The following SMG6 variants were observed in gnomAD, a reference collection of about 807,000 sequenced individuals.
SMG6 encodes SMG6 nonsense mediated mRNA decay factor, also known as telomerase-binding protein EST1A.
In SMG6, 66 loss-of-function variants were observed where a neutral mutation model predicts 142.2. That is an observed-to-expected ratio of 0.46 (90% CI 0.38 to 0.57). The LOEUF is 0.57. Among genes scored for constraint, SMG6 ranks in the 20% least tolerant of loss-of-function variants. The pLI is 0.00. For synonymous variants in SMG6, 779 were observed against 702.4 expected (o/e 1.11, Z -1.72); for missense variants, 1,793 against 1,832.0 (o/e 0.98, Z 0.39).
rs1284695541 is a variant in SMG6, at chr17:2,177,058, G to T, written c.3156-4199C>A. Among the ~76,000 whole-genome samples, 12 of 152,282 alleles carry T rather than the reference G, an allele frequency of 7.9e-5. No homozygotes were observed. The East Asian group carries it at 2.3e-3, about 29-fold the overall frequency. ...AACCAACACACACTCCTGGCTGGTT[G>T]TTTGGGGGATATTGACTCCGGAATC... On this transcript the variant is annotated intron_variant, in intron 12 of 18. Transcript: ENST00000263073.
rs532220385 is a variant in SMG6, at chr17:2,299,970, T to C, written c.783A>G (p.Ser261=). Residue 261 remains serine (S), a synonymous_variant, in exon 2 of 19, where the codon TCA becomes TCG. Coordinates refer to ENST00000263073, the MANE Select transcript of SMG6 (RefSeq NM_017575.5). This position sits in a 1 kb window ranked among gnomAD's most constrained non-coding sequence, Gnocchi z 4.3. ...RNRYRTRSTS[S]AGSNNSAEGA... ...CCTCAGCGCTGTTGTTGCTGCCAGCTGAGCTGGTGCTGCGCGTGCGGTAGC... is the reference window on the plus strand; with the variant it reads ...CCTCAGCGCTGTTGTTGCTGCCAGCCGAGCTGGTGCTGCGCGTGCGGTAGC... 4 of 1,614,000 alleles carry C rather than the reference T, an allele frequency of 2.5e-6. No homozygotes were observed. The African/African-American group carries it at 4.0e-5, about 16-fold the overall frequency.
chr17:2,216,738 T>C (rs902955576), intron 10 of SMG6, among the ~76,000 whole-genome samples: 3 of 152,212 alleles, frequency 2.0e-5, no homozygotes, highest in Non-Finnish European at 2.9e-5. Context: ...TAAAATATTA[T>C]ATAGTCTCTT....
At chr17:2,125,464 A>T (rs77118828) in intron 13 of SMG6, among the ~76,000 whole-genome samples, 1,554 of 152,358 alleles carry the variant, frequency 0.01, 31 homozygotes, top group African/African-American at 0.034. Flanking sequence ...ATGGCCAAAC[A>T]AATTTAAATT....
intron 8 of SMG6, among the ~76,000 whole-genome samples, chr17:2,264,384 A>C (rs2074378332): frequency 6.6e-6 from 1 of 152,192 alleles, no homozygotes; most frequent in Admixed American, 6.5e-5. Context: ...GAGATGCCAA[A>C]ACTACATCTT....
chr17:2,258,324 C>T (rs1429714367), intron 8 of SMG6, among the ~76,000 whole-genome samples: 1 of 151,770 alleles, frequency 6.6e-6, no homozygotes, highest in East Asian at 1.9e-4. Context: ...GGGAGGCTGA[C>T]GCAGGCAGAT....
At chr17:2,212,345 G>A (rs1284005098) in intron 10 of SMG6, among the ~76,000 whole-genome samples, 3 of 152,152 alleles carry the variant, frequency 2.0e-5, no homozygotes, top group Admixed American at 6.5e-5. Flanking sequence ...AAAAAGAAAG[G>A]GGATCTGGGC....
chr17:2,238,772 C>T (rs2073731793), intron 9 of SMG6, among the ~76,000 whole-genome samples: 1 of 152,182 alleles, frequency 6.6e-6, no homozygotes, highest in Admixed American at 6.5e-5. Flanking sequence ...AGACTGAAGT[C>T]TTGAACGAGC....
intron 6 of SMG6, among the ~76,000 whole-genome samples, chr17:2,287,961 T>C (rs2074943958): frequency 6.6e-6 from 1 of 152,194 alleles, no homozygotes; most frequent in Non-Finnish European, 1.5e-5. Flanking sequence ...AAAAGCATTC[T>C]GGAGGTTCGT....
intron 10 of SMG6, among the ~76,000 whole-genome samples, chr17:2,205,867 G>A (rs1171759733): frequency 2.0e-5 from 3 of 152,064 alleles, no homozygotes; most frequent in Non-Finnish European, 4.4e-5. Context: ...GCAGTACAGT[G>A]CCGCAATCTC....
chr17:2,266,316 G>A (rs1276137551), intron 8 of SMG6: 35 of 343,570 alleles, frequency 1.0e-4, no homozygotes, highest in Non-Finnish European at 2.1e-5. Flanking sequence ...CTGAGACCTG[G>A]TGAGTTTTGA....
At chr17:2,170,479 A>G (rs777545832) in intron 13 of SMG6, among the ~76,000 whole-genome samples, 36 of 152,248 alleles carry the variant, frequency 2.4e-4, no homozygotes, top group Admixed American at 5.2e-4. Flanking sequence ...AAGTATGGGG[A>G]TCCTCTGGCC....
chr17:2,244,569 A>G, intron 9 of SMG6, 89 bp downstream of exon 9: 1 of 980,400 alleles, frequency 1.0e-6, no homozygotes, highest in South Asian at 1.4e-5. Context: ...CTGTGCCCTC[A>G]GTTACAAACA....
intron 13 of SMG6, among the ~76,000 whole-genome samples, chr17:2,128,956 C>A (rs935683808): frequency 6.6e-6 from 1 of 152,086 alleles, no homozygotes; most frequent in African/African-American, 2.4e-5. Context: ...AATATGTTAT[C>A]TCCCATGAAA....
At chr17:2,117,146 G>C (rs2069533012) in intron 13 of SMG6, among the ~76,000 whole-genome samples, 1 of 149,388 alleles carries the variant, frequency 6.7e-6, no homozygotes, top group Non-Finnish European at 1.5e-5. Context: ...CCAGTGTGTA[G>C]TGCAGTAGCG....
intron 10 of SMG6, among the ~76,000 whole-genome samples, chr17:2,230,184 TC>T (rs2073433017): frequency 8.6e-5 from 2 of 23,244 alleles, no homozygotes; most frequent in Non-Finnish European, 1.3e-4. Context: ...AGACTCCGTC[TC>T]CAAAAAAAAA....
chr17:2,179,373 T>A (rs2071739783), intron 12 of SMG6, among the ~76,000 whole-genome samples: 1 of 152,166 alleles, frequency 6.6e-6, no homozygotes, highest in Non-Finnish European at 1.5e-5. Flanking sequence ...GTGAACTAGT[T>A]GTTTTTTAAC....
Position 2,282,703 on chromosome 17 carries a change from C to T in SMG6, c.2605G>A (p.Glu869Lys). The stretch of plus-strand genomic sequence containing the variant: ...TCTTGCTCAGAATCCTTCCCAGACT[C>T]AGTGCCCTGGGAAGACCGTGGATGG... The part of the protein sequence containing the change: ...PSHPRSSQGT[E>K]SGKDSEQENG... Residue 869 changes from glutamate (E) to lysine (K), a missense_variant, in exon 8 of 19, where the codon GAG (glutamate) becomes AAG (lysine). This residue lies in a region of SMG6 where 1,597 missense variants were observed against 1,584.6 expected (regional missense o/e 1.01). Transcript: ENST00000263073. The T allele has an allele frequency of 6.2e-7, 1 of 1,614,158 alleles. No individual in the cohort carries two copies. Among genetic ancestry groups the T allele is most frequent in the Non-Finnish European group, 8.5e-7 (1 of 1,180,006 alleles).
intron 1 of SMG6, among the ~76,000 whole-genome samples, chr17:2,302,096 T>A (rs1394204779): frequency 1.3e-5 from 2 of 150,184 alleles, no homozygotes; most frequent in South Asian, 4.2e-4. Context: ...CTATAACGTA[T>A]ACAAAAAATA....
chr17:2,238,634 G>C (rs2073727694), intron 9 of SMG6, among the ~76,000 whole-genome samples: 1 of 152,210 alleles, frequency 6.6e-6, no homozygotes, highest in Non-Finnish European at 1.5e-5. Flanking sequence ...TTGAAAGGCA[G>C]TAGAGAGCCA....
Sources: gnomAD v4.1 joint callset for allele counts (sites outside exome capture counted in the v4.1 genomes callset) on GRCh38, gnomAD v4.1.1 for gene constraint, gnomAD v4.1.1 regional missense constraint, Gnocchi (gnomAD v3.1) non-coding constraint, MANE v1.5 for transcripts, NCBI Gene and HGNC (gene_info 2026-07-23, HGNC 2026-07-21) for gene names.